Variants in SLC19A1 observed in about 807,000 individuals in gnomAD.
SLC19A1 encodes solute carrier family 19 member 1, also known as reduced folate transporter.
Under a neutral mutation model 35.3 loss-of-function variants are expected in SLC19A1, and 37 were observed. The observed-to-expected ratio is 1.05, with a 90% CI of 0.81 to 1.38. SLC19A1 has a LOEUF of 1.38. SLC19A1 is among the 40% of genes most tolerant of loss of function. The pLI, the probability that SLC19A1 is intolerant of heterozygous loss-of-function variation, is 0.00. For missense variants in SLC19A1, 831 were observed against 826.9 expected, an observed-to-expected ratio of 1.00 and a Z score of -0.06; for synonymous variants, 460 against 398.5, an observed-to-expected ratio of 1.15 and a Z score of -1.84.
At position 45,528,152 on chromosome 21, in the gene SLC19A1, G is replaced by A. The variant is rs530450061; in HGVS notation, c.1152-2194C>T. 1.2e-4 allele frequency among the ~76,000 whole-genome samples: 18 copies of A among 151,914 alleles called. No individual in the cohort carries two copies. The East Asian group carries it at 2.9e-3, about 25-fold the overall frequency. On this transcript the variant is annotated intron_variant, in intron 4 of 5. Transcript: ENST00000311124. ...GACGAGAGAAGCACACAGAGGTCCC[G>A]GTGAGCAGGTCAGTGGGATGAAGGG...
chr21:45,504,547 T>C (rs756656210), intron 3 of SLC19A1: 5 of 1,574,896 alleles, frequency 3.2e-6, no homozygotes, highest in Non-Finnish European at 2.6e-6. Context: ...GTGGCTACCC[T>C]GGGATTCCAG....
At chr21:45,504,088 A>C (rs2037034167) in intron 3 of SLC19A1, 3 of 1,609,848 alleles carry the variant, frequency 1.9e-6, no homozygotes, top group Non-Finnish European at 2.5e-6. Context: ...GGGGGCCCCC[A>C]AGGTCCTGTA....
At position 45,537,812 on chromosome 21, in the gene SLC19A1, G is replaced by C; in HGVS notation, c.148C>G (p.Pro50Ala). ...QIRPGESFIT[P>A]YLLGPDKNFT... ...TTCTTGTCGGGCCCCAGGAGGTAGG[G>C]GGTGATGAAGCTCTCCCCTGGCCGT... The change falls in exon 2 of 6, where the codon CCC becomes GCC. Residue 50 changes from proline (P) to alanine (A), a missense_variant. Coordinates refer to ENST00000311124, the MANE Select transcript of SLC19A1 (RefSeq NM_194255.4). 2 of 1,592,172 alleles carry C rather than the reference G, an allele frequency of 1.3e-6. No individual in the cohort carries two copies. The highest frequency in any genetic ancestry group is 1.7e-6 in the Non-Finnish European group (2 of 1,169,462).
intron 2 of SLC19A1, among the ~76,000 whole-genome samples, chr21:45,535,388 T>G (rs926629056): frequency 6.6e-6 from 1 of 151,892 alleles, no homozygotes; most frequent in African/African-American, 2.4e-5. Context: ...ACCAGTCCAA[T>G]CCCAAGGGCA....
In SLC19A1 at chr21:45,515,364, C is replaced by T. The variant is rs1417451570; in HGVS notation, c.*294G>A. The T allele has an allele frequency of 2.2e-5, 31 of 1,439,106 alleles. No individual in the cohort carries two copies. Among genetic ancestry groups the T allele is most frequent in the Non-Finnish European group, 2.8e-5 (31 of 1,106,178 alleles). 89.1% of individuals were successfully genotyped at this position (1,439,106 alleles called of 1,614,324 possible). ...GGCAGAAAGGATTTGTCTCAAGCCC[C>T]CCAAGGGGCATGAGCCAGTGAGGCC... On this transcript the variant is annotated 3_prime_UTR_variant, in exon 6 of 6. Transcript: ENST00000311124.
At chr21:45,536,148 G>A (rs1468693385) in intron 2 of SLC19A1, 1 of 160,650 alleles carries the variant, frequency 6.2e-6, no homozygotes, top group African/African-American at 2.4e-5. Flanking sequence ...GGTGCGCAGA[G>A]CACCTGCACC....
chr21:45,540,303 G>A lies in SLC19A1; in HGVS notation c.-50+2065C>T, dbSNP rs917355756. Among the ~76,000 whole-genome samples the A allele has an allele frequency of 1.3e-5, 2 of 152,156 alleles. No homozygotes were observed. The highest frequency in any genetic ancestry group is 2.4e-5 in the African/African-American group (1 of 41,416). ...CCCAGACAACCAGAGCAACCAGATC[G>A]CCGCAGACAACGGGGAGCCATCAGG... is the stretch of plus-strand genomic sequence containing the variant. On this transcript the variant is annotated intron_variant, in intron 1 of 5. Transcript: ENST00000311124. This position sits in a 1 kb window ranked among gnomAD's most constrained non-coding sequence, Gnocchi z 5.5.
Position 45,515,518 on chromosome 21 carries a change from C to T in SLC19A1, c.*140G>A. 3 of 1,520,000 alleles carry T rather than the reference C, an allele frequency of 2.0e-6. No individual in the cohort carries two copies. Among genetic ancestry groups the T allele is most frequent in the Non-Finnish European group, 2.6e-6 (3 of 1,148,366 alleles). The allele number at this position is 1,520,000 out of a possible 1,614,324, so 94.2% of individuals were successfully genotyped here. On this transcript the variant is annotated 3_prime_UTR_variant, in exon 6 of 6. Transcript: ENST00000311124. ...CGCTGTGGCCACCGCCAGAGTGCGG[C>T]ACAGGGCAGGGGGAATCCTAGGGGG...
At chr21:45,521,057 G>A (rs1227895209) in intron 5 of SLC19A1, among the ~76,000 whole-genome samples, 1 of 151,612 alleles carries the variant, frequency 6.6e-6, no homozygotes, top group Admixed American at 6.6e-5. Context: ...AGATACCAGG[G>A]AGGACCATAC....
chr21:45,560,481 G>A (rs190555398), intron 1 of SLC19A1, among the ~76,000 whole-genome samples: 95 of 151,532 alleles, frequency 6.3e-4, no homozygotes, highest in African/African-American at 2.1e-3. Flanking sequence ...AATCCACCAC[G>A]CAGCAGGGAG....
rs1221900237 is a variant in SLC19A1 at position 45,540,417 on chromosome 21, C to G, written c.-50+1951G>C. Among the ~76,000 whole-genome samples the G allele has an allele frequency of 6.6e-6, 1 of 152,168 alleles. No homozygotes were observed. The highest frequency in any genetic ancestry group is 2.4e-5 in the African/African-American group (1 of 41,424). ...CAGGACCCCCAGGGGCCCGGGAGCC[C>G]TGGGTACTTGGGCCCCCTGTTCTGA... On this transcript the variant is annotated intron_variant, in intron 1 of 5. Coordinates refer to ENST00000311124, the MANE Select transcript of SLC19A1 (RefSeq NM_194255.4). This position sits in a 1 kb window ranked among gnomAD's most constrained non-coding sequence, Gnocchi z 5.5.
downstream of SLC19A1, chr21:45,512,121 C>T (rs775479244): frequency 2.2e-5 from 33 of 1,531,974 alleles, no homozygotes; most frequent in East Asian, 7.3e-5. Flanking sequence ...CTTTCCTGCC[C>T]GGGGAGCGGC....
At chr21:45,520,977 G>A (rs912367822) in intron 5 of SLC19A1, among the ~76,000 whole-genome samples, 5 of 149,770 alleles carry the variant, frequency 3.3e-5, no homozygotes, top group South Asian at 2.1e-4. Context: ...CTGAGATTGC[G>A]CCATTGCACT....
At chr21:45,522,807 A>G (rs74940071) in intron 5 of SLC19A1, among the ~76,000 whole-genome samples, 1 of 152,296 alleles carries the variant, frequency 6.6e-6, no homozygotes, top group Non-Finnish European at 1.5e-5. Flanking sequence ...AGAAGAGGGT[A>G]GTGGCTGCCA....
chr21:45,518,981 CCTT>C (rs1358317633), intron 5 of SLC19A1, among the ~76,000 whole-genome samples: 6 of 152,148 alleles, frequency 3.9e-5, no homozygotes, highest in Non-Finnish European at 8.8e-5. Context: ...AACAGACTTT[CCTT>C]CTTTAGTTTC....
intron 5 of SLC19A1, among the ~76,000 whole-genome samples, chr21:45,516,810 C>T (rs944821859): frequency 2.6e-5 from 4 of 152,174 alleles, no homozygotes; most frequent in African/African-American, 9.7e-5. Flanking sequence ...CATCCGTGGG[C>T]AGAGCCCAGT....
rs763395313 is a variant in SLC19A1, at chr21:45,516,053, CCCGCTGGCAGTG to C, written c.1369_1380del (p.His457_Arg460del). 6.9e-6 allele frequency: 11 copies of C among 1,585,902 alleles called. No homozygotes were observed. Among genetic ancestry groups the C allele is most frequent in the Non-Finnish European group, 1.7e-6 (2 of 1,168,200 alleles). On this transcript the variant is annotated inframe_deletion, in exon 6 of 6. Coordinates refer to ENST00000311124, the MANE Select transcript of SLC19A1 (RefSeq NM_194255.4). ...GCCGGGGGCTGCCGCGGGTGGTGGC[CCCGCTGGCAGTG>C]CCGCAGGCCATCCAGCATGGCCCCC... is the stretch of plus-strand genomic sequence containing the variant.
intron 5 of SLC19A1, 122 bp from the exon 6 acceptor site, chr21:45,516,262 CA>C: frequency 1.3e-6 from 1 of 746,300 alleles, no homozygotes; most frequent in Non-Finnish European, 2.2e-6. Context: ...CTGAACACTG[CA>C]CAGCGGTCAG....
rs2037838997 is a variant in SLC19A1, at chr21:45,515,258, C to A, written c.*400G>T. On this transcript the variant is annotated 3_prime_UTR_variant, in exon 6 of 6. Transcript: ENST00000311124. ...ACACCTGAGGGTCCCGGCTCCCACC[C>A]TGCCCTAGAGGGCTCACAACTCCTG... The A allele has an allele frequency of 1.3e-6, 2 of 1,499,290 alleles. No homozygotes were observed. Among genetic ancestry groups the A allele is most frequent in the Non-Finnish European group, 1.8e-6 (2 of 1,137,242 alleles). The allele number at this position is 1,499,290 out of a possible 1,614,324, so 92.9% of individuals were successfully genotyped here.
Sources: gnomAD v4.1 joint callset for allele counts (sites outside exome capture counted in the v4.1 genomes callset) on GRCh38, gnomAD v4.1.1 for gene constraint, Gnocchi (gnomAD v3.1) non-coding constraint, MANE v1.5 for transcripts, NCBI Gene and HGNC (gene_info 2026-07-23, HGNC 2026-07-21) for gene names.